The following LINGO2 variants were observed in gnomAD, a reference collection of about 807,000 sequenced individuals.
LINGO2 encodes leucine rich repeat and Ig domain containing 2.
LINGO2 carries 14 observed loss-of-function variants against 30.6 expected under a neutral mutation model. That is an observed-to-expected ratio of 0.46 (90% CI 0.30 to 0.72). The LOEUF (loss-of-function observed/expected upper bound fraction) is 0.72. Among genes scored for constraint, LINGO2 ranks in the 30% least tolerant of loss-of-function variants. The pLI, the probability that LINGO2 is intolerant of heterozygous loss-of-function variation, is 0.07. For missense variants in LINGO2, 729 were observed against 751.7 expected, an observed-to-expected ratio of 0.97 and a Z score of 0.35; for synonymous variants, 317 against 288.5, an observed-to-expected ratio of 1.10 and a Z score of -1.00.
chr9:27,984,297 A>T (rs891987347), intron 5 of LINGO2, among the ~76,000 whole-genome samples: 7 of 151,854 alleles, frequency 4.6e-5, no homozygotes, highest in Admixed American at 3.3e-4. Context: ...TAGCAGTGGA[A>T]GACTGCATGT....
chr9:29,198,981 C>T, the LINGO2 span, among the ~76,000 whole-genome samples: 18 of 151,994 alleles, frequency 1.2e-4, no homozygotes, highest in African/African-American at 4.3e-4. Flanking sequence ...CAATAGGCTA[C>T]ATTAGGCTGT....
chr9:28,064,710 T>C (rs1472425891), intron 4 of LINGO2, among the ~76,000 whole-genome samples: 1 of 152,112 alleles, frequency 6.6e-6, no homozygotes, highest in East Asian at 1.9e-4. Context: ...ATGAAAACGA[T>C]TGAAGTAAAC....
chr9:28,572,268 A>C (rs1029283681), intron 1 of LINGO2, among the ~76,000 whole-genome samples: 5 of 152,090 alleles, frequency 3.3e-5, no homozygotes, highest in African/African-American at 1.2e-4. Flanking sequence ...CTTGGATTAT[A>C]TCTCTCTGGA....
chr9:28,233,030 T>TTATATATATATATA (rs1554690875), intron 4 of LINGO2, among the ~76,000 whole-genome samples: 2,137 of 77,184 alleles, frequency 0.028, 50 homozygotes, highest in African/African-American at 0.046. Flanking sequence ...ACAGTAAACA[T>TTATATATATATATA]TATATATATA....
chr9:28,602,626 C>T (rs992036570), intron 1 of LINGO2, among the ~76,000 whole-genome samples: 5 of 152,008 alleles, frequency 3.3e-5, no homozygotes, highest in Admixed American at 1.3e-4. Flanking sequence ...ATAGTAAAGA[C>T]ATACTTATAA....
At chr9:28,433,949 C>CTCTCTCTCTCTCTCTATATATA (rs1225323260) in intron 2 of LINGO2, among the ~76,000 whole-genome samples, 5 of 88,542 alleles carry the variant, frequency 5.6e-5, no homozygotes, top group African/African-American at 2.2e-4. Context: ...CTCTCTCTCT[C>CTCTCTCTCTCTCTCTATATATA]TATATATATA....
intron 1 of LINGO2, among the ~76,000 whole-genome samples, chr9:28,561,776 TATATAAAA>T (rs1384117090): frequency 5.2e-5 from 6 of 115,630 alleles, no homozygotes; most frequent in African/African-American, 2.5e-4. Flanking sequence ...TATATATATA[TATATAAAA>T]AATATGCTAC....
the LINGO2 span, among the ~76,000 whole-genome samples, chr9:29,160,288 G>A: frequency 1.3e-5 from 2 of 152,274 alleles, no homozygotes; most frequent in African/African-American, 4.8e-5. Context: ...CAGCAATGAA[G>A]CATAACTAGT....
chr9:28,861,107 A>C, the LINGO2 span, among the ~76,000 whole-genome samples: 1 of 119,494 alleles, frequency 8.4e-6, no homozygotes, highest in Non-Finnish European at 1.6e-5. Context: ...AAATATATAA[A>C]ATATATTTAT....
At chr9:29,044,199 C>G in the LINGO2 span, among the ~76,000 whole-genome samples, 2 of 151,836 alleles carry the variant, frequency 1.3e-5, no homozygotes, top group African/African-American at 4.8e-5. Context: ...ATAATTATAA[C>G]ATGGATGGCA....
At chr9:28,447,031 C>A (rs1456077225) in intron 2 of LINGO2, among the ~76,000 whole-genome samples, 1 of 152,192 alleles carries the variant, frequency 6.6e-6, no homozygotes, top group East Asian at 1.9e-4. Flanking sequence ...CAGTGCCCAA[C>A]TGTCAATATC....
chr9:28,348,627 G>C (rs7467163), intron 3 of LINGO2, among the ~76,000 whole-genome samples: 223 of 151,944 alleles, frequency 1.5e-3, no homozygotes, highest in African/African-American at 5.1e-3. Flanking sequence ...CCTGGAAGCT[G>C]GAACTGGGTG....
chr9:28,848,394 T>C, the LINGO2 span, among the ~76,000 whole-genome samples: 1 of 37,066 alleles, frequency 2.7e-5, no homozygotes, highest in Non-Finnish European at 7.2e-5. Flanking sequence ...TGTGTGTGTG[T>C]GTGTATATAT....
At chr9:28,899,222 A>T in the LINGO2 span, among the ~76,000 whole-genome samples, 1 of 152,208 alleles carries the variant, frequency 6.6e-6, no homozygotes, top group South Asian at 2.1e-4. Flanking sequence ...GTGAGAAGAG[A>T]TACATTCCAA....
chr9:27,948,837 T>C (rs1587505118), exon 6 of LINGO2: 1 of 1,594,596 alleles, frequency 6.3e-7, no homozygotes, highest in East Asian at 2.2e-5. Context: ...GACAGTAATG[T>C]GAGGGGTGGG....
chr9:28,252,019 G>A (rs1279392971), intron 4 of LINGO2, among the ~76,000 whole-genome samples: 2 of 152,048 alleles, frequency 1.3e-5, no homozygotes, highest in African/African-American at 2.4e-5. Flanking sequence ...ACTTCCTTGA[G>A]CCTCAGTTTC....
chr9:28,427,027 G>C (rs1349287821), intron 2 of LINGO2, among the ~76,000 whole-genome samples: 7 of 151,974 alleles, frequency 4.6e-5, no homozygotes, highest in South Asian at 2.1e-4. Flanking sequence ...AGCATATAGA[G>C]GCATTTTAGA....
At chr9:28,553,891 C>T (rs1353242183) in intron 1 of LINGO2, among the ~76,000 whole-genome samples, 3 of 151,954 alleles carry the variant, frequency 2.0e-5, no homozygotes, top group Non-Finnish European at 4.4e-5. Flanking sequence ...TCATATCCAG[C>T]CAAACTAAGC....
the LINGO2 span, among the ~76,000 whole-genome samples, chr9:28,721,387 T>C: frequency 6.6e-6 from 1 of 152,062 alleles, no homozygotes; most frequent in Non-Finnish European, 1.5e-5. Flanking sequence ...CTATCAACAA[T>C]AGCAAAGACT....
Sources: gnomAD v4.1 joint callset for allele counts (sites outside exome capture counted in the v4.1 genomes callset) on GRCh38, gnomAD v4.1.1 for gene constraint, MANE v1.5 for transcripts, NCBI Gene and HGNC (gene_info 2026-07-23, HGNC 2026-07-21) for gene names.